The following RHOBTB2 variants were observed in gnomAD, a reference collection of about 807,000 sequenced individuals.
The protein encoded by RHOBTB2 is Rho related BTB domain containing 2.
Under a neutral mutation model 66.5 loss-of-function variants are expected in RHOBTB2, and 39 were observed. The ratio of observed to expected loss-of-function variants is 0.59; its 90% CI spans 0.45 to 0.77. RHOBTB2 has a LOEUF of 0.77. Ranked by LOEUF, RHOBTB2 falls within the 30% of genes least tolerant of loss-of-function variation. RHOBTB2 has a pLI of 0.00. For synonymous variants in RHOBTB2, 390 were observed against 395.0 expected, an observed-to-expected ratio of 0.99 and a Z score of 0.15; for missense variants, 755 against 999.1, an observed-to-expected ratio of 0.76 and a Z score of 3.29.
At chr8:22,983,860 G>A (rs576400933), upstream of RHOBTB2, among the ~76,000 whole-genome samples, 3 of 152,072 alleles carry the variant, frequency 2.0e-5, no homozygotes, top group South Asian at 2.1e-4. Flanking sequence ...TCAGCCTCCC[G>A]AGTAGCTGGG....
chr8:22,971,191 AT>A, the RHOBTB2 span, among the ~76,000 whole-genome samples: 68,485 of 150,220 alleles, frequency 0.46, 16,536 homozygotes, highest in East Asian at 0.65. Context: ...CTTTTTCTGT[AT>A]TTTTTTTTAA....
Position 23,017,527 on chromosome 8 carries a change from T to C in RHOBTB2, c.*58T>C. 6.5e-7 allele frequency: 1 copy of C among 1,546,510 alleles called. No homozygotes were observed. The highest frequency in any genetic ancestry group is 8.7e-7 in the Non-Finnish European group (1 of 1,144,482). ...TTGTCCCCATCCGCCTTCACCCCTC[T>C]GCTCTTCCGCATCACCCCATCCACC... On this transcript the variant is annotated 3_prime_UTR_variant, in exon 10 of 10. Transcript: ENST00000251822. This position sits in a 1 kb window ranked among gnomAD's most constrained non-coding sequence, Gnocchi z 5.3.
rs116432353 is a variant in RHOBTB2, at chr8:23,013,549, A to G, written c.1772-1141A>G. Among the ~76,000 whole-genome samples, 849 of 152,016 alleles carry G rather than the reference A, an allele frequency of 5.6e-3. 23 individuals are homozygous for G. The highest frequency in any genetic ancestry group is 0.019 in the African/African-American group (794 of 41,316). The stretch of plus-strand genomic sequence containing the variant: ...GTCTTACTGTCACCTGGGCTGGAGT[A>G]TAGTGATGTGATCTCGGCTCACTGA... On this transcript the variant is annotated intron_variant, in intron 7 of 9. Transcript: ENST00000251822.
In RHOBTB2 at chr8:23,000,116, G is replaced by A. The variant is rs1810727305; in HGVS notation, c.-11+11G>A. 1.0e-6 allele frequency: 1 copy of A among 985,544 alleles called. No homozygotes were observed. The highest frequency in any genetic ancestry group is 1.2e-6 in the Non-Finnish European group (1 of 829,990). The allele number at this position is 985,544 out of a possible 1,614,324, so 61.0% of individuals were successfully genotyped here. On this transcript the variant is annotated intron_variant, in intron 1 of 9. Coordinates refer to ENST00000251822, the MANE Select transcript of RHOBTB2 (RefSeq NM_015178.3). ...GTCACATGTAGTGGTGTAAGTAGAT[G>A]GCTGCTTGCGGTTATGGCGGGGTGG... is the stretch of plus-strand genomic sequence containing the variant.
chr8:22,969,479 C>T, the RHOBTB2 span, among the ~76,000 whole-genome samples: 14 of 152,000 alleles, frequency 9.2e-5, no homozygotes, highest in African/African-American at 3.4e-4. Flanking sequence ...GTGTAAAGAC[C>T]GTGAACAAAT....
rs145105972 is a variant in RHOBTB2 at position 22,989,893 on chromosome 8, C to A, written c.-136-2175C>A. 1.2e-3 allele frequency among the ~76,000 whole-genome samples: 185 copies of A among 152,338 alleles called. 1 individual carries two copies. The highest frequency in any genetic ancestry group is 4.1e-3 in the African/African-American group (171 of 41,580). On this transcript the variant is annotated intron_variant, in intron 1 of 11. Transcript: ENST00000519685. ...CTGATGAGAACCCTCATCCTGCCTGCCTGCTTTGCAGCCCTGGCAAGTCAC... is the reference window on the plus strand; with the variant it reads ...CTGATGAGAACCCTCATCCTGCCTGACTGCTTTGCAGCCCTGGCAAGTCAC...
upstream of RHOBTB2, among the ~76,000 whole-genome samples, chr8:22,996,383 C>A (rs1455603176): frequency 3.3e-5 from 5 of 152,136 alleles, no homozygotes; most frequent in African/African-American, 9.7e-5. Flanking sequence ...GCCAGACCCA[C>A]CAGCAGAAGC....
chr8:23,014,823 C>A (rs762186599), intron 8 of RHOBTB2, 45 bp downstream of exon 8: 2 of 1,490,948 alleles, frequency 1.3e-6, no homozygotes, highest in Non-Finnish European at 9.3e-7. Context: ...CAGTTCTACA[C>A]TCTGCCTGCC....
chr8:22,981,529 A>G, the RHOBTB2 span, among the ~76,000 whole-genome samples: 4 of 152,206 alleles, frequency 2.6e-5, no homozygotes. Context: ...GTCTTTTGCC[A>G]AACAGATTCA....
the RHOBTB2 span, among the ~76,000 whole-genome samples, chr8:22,958,700 C>A: frequency 7.1e-6 from 1 of 140,780 alleles, no homozygotes; most frequent in East Asian, 2.3e-4. Flanking sequence ...ACATGGGAGG[C>A]TGAGGTGGGG....
At chr8:22,986,009 G>T (rs908030519), upstream of RHOBTB2, among the ~76,000 whole-genome samples, 3 of 152,184 alleles carry the variant, frequency 2.0e-5, no homozygotes, top group African/African-American at 7.2e-5. Context: ...GGGGAAGCAG[G>T]TCAAGGACAG....
At chr8:22,956,859 C>A in the RHOBTB2 span, among the ~76,000 whole-genome samples, 1 of 152,112 alleles carries the variant, frequency 6.6e-6, no homozygotes, top group Non-Finnish European at 1.5e-5. Context: ...GGGGTATCTC[C>A]GTGTTGGTCA....
At chr8:22,953,689 C>T in the RHOBTB2 span, among the ~76,000 whole-genome samples, 1 of 152,076 alleles carries the variant, frequency 6.6e-6, no homozygotes, top group South Asian at 2.1e-4. Context: ...ACATCATAGG[C>T]ACTAAGTCAA....
rs1286387012 is a variant in RHOBTB2, at chr8:23,006,808, C to A, written c.563C>A (p.Thr188Asn). Residue 188 changes from threonine to asparagine, a missense_variant, in exon 5 of 10, where the codon ACC (threonine) becomes AAC (asparagine). Transcript: ENST00000251822. The surrounding 1 kb of genome is among the most constrained non-coding windows in gnomAD (Gnocchi z 6.1). ...AKELGIPYYETSVVAQFGIKD... is the reference protein window; with the variant it reads ...AKELGIPYYENSVVAQFGIKD... ...GAGCTGGGCATCCCCTACTATGAGA[C>A]CAGCGTGGTGGCCCAGTTCGGCATC... is the stretch of plus-strand genomic sequence containing the variant. 1.2e-6 allele frequency: 2 copies of A among 1,614,134 alleles called. No homozygotes were observed. Among genetic ancestry groups the A allele is most frequent in the Non-Finnish European group, 1.7e-6 (2 of 1,180,016 alleles).
chr8:22,988,722 C>T (rs1021322755), intron 1 of RHOBTB2, among the ~76,000 whole-genome samples: 44 of 152,204 alleles, frequency 2.9e-4, no homozygotes, highest in Admixed American at 6.5e-5. Context: ...ACTCCCCCAC[C>T]CACAACCCAG....
At position 23,007,597 on chromosome 8, in the gene RHOBTB2, T is replaced by C; in HGVS notation, c.1352T>C (p.Ile451Thr). ...NERDLMHIAH[I>T]AELLEVFDLR... is the part of the protein sequence containing the mutation. ...CGTGACCTCATGCACATTGCCCACA[T>C]TGCTGAGCTGCTCGAGGTCTTTGAT... The change falls in exon 5 of 10, where the codon ATT (isoleucine) becomes ACT (threonine). Residue 451 changes from isoleucine to threonine, a missense_variant. Coordinates refer to ENST00000251822, the MANE Select transcript of RHOBTB2 (RefSeq NM_015178.3). The C allele has an allele frequency of 6.2e-7, 1 of 1,614,188 alleles. No homozygotes were observed.
chr8:23,000,200 C>A, intron 1 of RHOBTB2, 95 bp downstream of exon 1: 2 of 870,312 alleles, frequency 2.3e-6, no homozygotes, highest in Non-Finnish European at 2.8e-6. Flanking sequence ...CCCCTCGCTA[C>A]GTTCCCCGGG....
At position 23,018,318 on chromosome 8, in the gene RHOBTB2, C is replaced by G. The variant is rs915221302; in HGVS notation, c.*849C>G. 5 of 152,728 alleles carry G rather than the reference C, an allele frequency of 3.3e-5. No individual in the cohort carries two copies. 9.5% of individuals were successfully genotyped at this position (152,728 alleles called of 1,614,324 possible). ...CCTCCCCTGCCTCTGGGTGGCACTG[C>G]TTTTTATAGGGTGGGGCAAAATTAG... On this transcript the variant is annotated 3_prime_UTR_variant, in exon 10 of 10. Coordinates refer to ENST00000251822, the MANE Select transcript of RHOBTB2 (RefSeq NM_015178.3).
chr8:22,962,212 AAGGAAAG>A, the RHOBTB2 span, among the ~76,000 whole-genome samples: 4 of 129,760 alleles, frequency 3.1e-5, no homozygotes, highest in Admixed American at 8.0e-5. Context: ...AAAAAAAAAA[AAGGAAAG>A]AAAGAGAAAG....
Sources: allele counts gnomAD v4.1 joint callset (sites outside exome capture counted in the v4.1 genomes callset), GRCh38; gene constraint gnomAD v4.1.1; non-coding constraint Gnocchi (gnomAD v3.1); transcripts MANE v1.5; gene names NCBI Gene and HGNC (gene_info 2026-07-23, HGNC 2026-07-21).